The following TENM4 variants were observed in gnomAD, a reference collection of about 807,000 sequenced individuals.
TENM4 encodes teneurin transmembrane protein 4.
TENM4 carries 82 observed loss-of-function variants against 243.3 expected under a neutral mutation model. The ratio of observed to expected loss-of-function variants is 0.34; its 90% CI spans 0.28 to 0.40. The LOEUF (loss-of-function observed/expected upper bound fraction) is 0.40, where lower values mean the gene tolerates loss of function less well. Among genes scored for constraint, TENM4 ranks in the 10% least tolerant of loss-of-function variants. The pLI is 1.00. For synonymous variants in TENM4, 1,412 were observed against 1,456.3 expected (o/e 0.97, Z 0.69); for missense variants, 3,138 against 3,673.3 (o/e 0.85, Z 3.77).
intron 6 of TENM4, among the ~76,000 whole-genome samples, chr11:79,050,262 G>A (rs1859761381): frequency 6.6e-6 from 1 of 152,182 alleles, no homozygotes; most frequent in African/African-American, 2.4e-5. Flanking sequence ...AAAGTGACAC[G>A]ATCTTTTTTC....
chr11:79,303,096 G>A (rs1238513759), intron 1 of TENM4, among the ~76,000 whole-genome samples: 2 of 152,096 alleles, frequency 1.3e-5, no homozygotes, highest in Admixed American at 1.3e-4. Context: ...CCAATAGGCA[G>A]TAAATGGTCT....
chr11:79,105,718 A>G (rs1277455743), intron 4 of TENM4, among the ~76,000 whole-genome samples: 1 of 152,186 alleles, frequency 6.6e-6, no homozygotes, highest in Admixed American at 6.5e-5. Context: ...TGAAGTAAAG[A>G]AGTCCCCAAA....
intron 6 of TENM4, among the ~76,000 whole-genome samples, chr11:78,934,479 C>T (rs1439219768): frequency 6.6e-6 from 1 of 152,106 alleles, no homozygotes; most frequent in Non-Finnish European, 1.5e-5. Flanking sequence ...GCCTTAGTTT[C>T]TTTATCTTTC....
At chr11:78,810,512 G>C (rs927808427) in intron 14 of TENM4, among the ~76,000 whole-genome samples, 1 of 152,066 alleles carries the variant, frequency 6.6e-6, no homozygotes, top group Non-Finnish European at 1.5e-5. Context: ...CAAGTGACTC[G>C]AATAAAAAGG....
At chr11:79,206,278 G>C (rs147052312) in intron 3 of TENM4, among the ~76,000 whole-genome samples, 2 of 152,242 alleles carry the variant, frequency 1.3e-5, no homozygotes, top group Non-Finnish European at 2.9e-5. Flanking sequence ...GGCATCTCCT[G>C]AAGGCCTTGA....
chr11:79,074,941 G>T (rs1860501912), intron 4 of TENM4, among the ~76,000 whole-genome samples: 1 of 152,164 alleles, frequency 6.6e-6, no homozygotes, highest in Non-Finnish European at 1.5e-5. Flanking sequence ...TCACCATCAG[G>T]GCTGGCTCTC....
chr11:78,864,294 C>A (rs116012642), intron 9 of TENM4, among the ~76,000 whole-genome samples: 1,868 of 151,316 alleles, frequency 0.012, 39 homozygotes, highest in African/African-American at 0.043. Flanking sequence ...ATTAGCCGGG[C>A]GTAGTGGCGG....
At chr11:79,309,479 C>T (rs1312366265) in intron 1 of TENM4, among the ~76,000 whole-genome samples, 1 of 152,208 alleles carries the variant, frequency 6.6e-6, no homozygotes, top group Non-Finnish European at 1.5e-5. Context: ...CAGCCCTTGG[C>T]TTCTGGGGGA....
At chr11:79,235,623 CA>C (rs1864450840) in intron 2 of TENM4, among the ~76,000 whole-genome samples, 1 of 152,112 alleles carries the variant, frequency 6.6e-6, no homozygotes, top group Non-Finnish European at 1.5e-5. Context: ...AAAGCTGGAC[CA>C]GGGGACAAGA....
chr11:79,355,186 C>T (rs1285573883), intron 1 of TENM4, among the ~76,000 whole-genome samples: 1 of 152,206 alleles, frequency 6.6e-6, no homozygotes, highest in Non-Finnish European at 1.5e-5. Flanking sequence ...TTGAATCCTT[C>T]ATTTGCATGA....
chr11:79,322,312 G>T (rs11237786), intron 1 of TENM4, among the ~76,000 whole-genome samples: 29,229 of 152,130 alleles, frequency 0.19, 2,898 homozygotes, highest in African/African-American at 0.24. Context: ...GCTTAAAAGA[G>T]CCCTATGCCC....
chr11:78,741,908 A>G (rs942461467), intron 19 of TENM4, among the ~76,000 whole-genome samples: 5 of 152,208 alleles, frequency 3.3e-5, no homozygotes, highest in Non-Finnish European at 7.4e-5. Flanking sequence ...CTCTATTACC[A>G]GTCCTCTATT....
intron 1 of TENM4, among the ~76,000 whole-genome samples, chr11:79,321,833 C>T (rs146431788): frequency 7.8e-4 from 119 of 152,168 alleles, no homozygotes; most frequent in Non-Finnish European, 8.1e-4. Context: ...AGAAGGGCTA[C>T]GTATAGATCT....
chr11:79,086,778 G>C (rs1860819831), intron 4 of TENM4, among the ~76,000 whole-genome samples: 1 of 142,592 alleles, frequency 7.0e-6, no homozygotes, highest in South Asian at 2.2e-4. Context: ...AGGTTGCAGT[G>C]AGCCAGGATC....
chr11:78,754,402 C>T (rs974080592), intron 19 of TENM4, among the ~76,000 whole-genome samples: 1 of 152,140 alleles, frequency 6.6e-6, no homozygotes, highest in African/African-American at 2.4e-5. Context: ...GGCGCTTAAG[C>T]AGCAGGCTCA....
intron 1 of TENM4, among the ~76,000 whole-genome samples, chr11:79,396,627 G>A (rs959776705): frequency 4.6e-5 from 7 of 152,186 alleles, no homozygotes; most frequent in South Asian, 4.1e-4. Flanking sequence ...TTGGGAGGCC[G>A]GCAAAGGAAT....
intron 2 of TENM4, among the ~76,000 whole-genome samples, chr11:79,255,176 T>G (rs760534584): frequency 3.9e-5 from 6 of 152,184 alleles, no homozygotes; most frequent in Non-Finnish European, 7.4e-5. Flanking sequence ...AAGATGCCTA[T>G]TTTTCCATCT....
rs908652654 is a variant in TENM4, at chr11:79,000,831, G to C, written c.493+63907C>G. 3.9e-5 allele frequency among the ~76,000 whole-genome samples: 6 copies of C among 152,332 alleles called. No individual in the cohort carries two copies. In the South Asian group the frequency reaches 1.2e-3, roughly 32 times the overall value. ...GGATCACCTGAGGTCAGGAGTTCTA[G>C]ACCAGCCTGGCCAACATGGTAAAAC... On this transcript the variant is annotated intron_variant, in intron 6 of 33. Coordinates refer to ENST00000278550, the MANE Select transcript of TENM4 (RefSeq NM_001098816.3).
In TENM4 at chr11:79,142,587, C is replaced by G. The variant is rs570532021; in HGVS notation, c.-66+6123G>C. Among the ~76,000 whole-genome samples the G allele has an allele frequency of 2.8e-4, 42 of 152,110 alleles. 1 individual carries two copies. In the South Asian group the frequency reaches 8.5e-3, roughly 31 times the overall value. ...GGAATCCACAGATTGAATGCAATTC[C>G]TATTAAAATACCAAAGACATTCTTC... On this transcript the variant is annotated intron_variant, in intron 4 of 33. Coordinates refer to ENST00000278550, the MANE Select transcript of TENM4 (RefSeq NM_001098816.3).
Sources: gnomAD v4.1 joint callset for allele counts (sites outside exome capture counted in the v4.1 genomes callset) on GRCh38, gnomAD v4.1.1 for gene constraint, MANE v1.5 for transcripts, NCBI Gene and HGNC (gene_info 2026-07-23, HGNC 2026-07-21) for gene names.